Variants in ARHGEF10 observed in about 807,000 individuals in gnomAD.
ARHGEF10 encodes the protein Rho guanine nucleotide exchange factor 10.
ARHGEF10 carries 140 observed loss-of-function variants against 147.4 expected under a neutral mutation model. The observed-to-expected ratio is 0.95, with a 90% CI of 0.83 to 1.09. The LOEUF (loss-of-function observed/expected upper bound fraction) is 1.09. Among genes scored for constraint, ARHGEF10 ranks in the 50% least tolerant of loss-of-function variants. The pLI is 0.00. For synonymous variants in ARHGEF10, 902 were observed against 695.8 expected, an observed-to-expected ratio of 1.30 and a Z score of -4.67; for missense variants, 2,222 against 1,752.7, an observed-to-expected ratio of 1.27 and a Z score of -4.78.
In ARHGEF10 at chr8:1,920,732, A is replaced by G. The variant is rs543812225; in HGVS notation, c.2144-2232A>G. Among the ~76,000 whole-genome samples the G allele has an allele frequency of 2.0e-5, 3 of 152,276 alleles. No homozygotes were observed. The South Asian group carries it at 6.2e-4, about 32-fold the overall frequency. ...CATTTTAAATTATAAGCATTCTGTA[A>G]GGATAAATAAAGTTGCGATGTGTAA... On this transcript the variant is annotated intron_variant, in intron 18 of 28. Transcript: ENST00000349830.
chr8:1,905,785 A>C (rs1264312575), intron 17 of ARHGEF10, 69 bp downstream of exon 17: 7 of 1,584,000 alleles, frequency 4.4e-6, no homozygotes, highest in Non-Finnish European at 6.0e-6. Flanking sequence ...GGGCACATGC[A>C]TGACTTTGTT....
At chr8:1,880,891 T>C (rs1431037655) in intron 9 of ARHGEF10, among the ~76,000 whole-genome samples, 1 of 152,202 alleles carries the variant, frequency 6.6e-6, no homozygotes, top group East Asian at 1.9e-4. Context: ...CGCCCTGTTG[T>C]GCTTGGGCCA....
chr8:1,885,962 C>T lies in ARHGEF10; in HGVS notation c.1182+255C>T, dbSNP rs181600067. Among the ~76,000 whole-genome samples, 4 of 152,268 alleles carry T rather than the reference C, an allele frequency of 2.6e-5. No homozygotes were observed. The East Asian group carries it at 7.7e-4, about 29-fold the overall frequency. On this transcript the variant is annotated intron_variant, in intron 11 of 28. Coordinates refer to ENST00000349830, the MANE Select transcript of ARHGEF10 (RefSeq NM_014629.4). ...TCCTTAAATATTTTGGACAGCACCCCTGCCCCTGAGTGTAGCTGTGAGAAA... is the reference window on the plus strand; with the variant it reads ...TCCTTAAATATTTTGGACAGCACCCTTGCCCCTGAGTGTAGCTGTGAGAAA...
intron 7 of ARHGEF10, chr8:1,870,223 C>A (rs577146609): frequency 1.5e-3 from 166 of 111,740 alleles, no homozygotes; most frequent in African/African-American, 5.6e-3. Flanking sequence ...GGGGGAGGAT[C>A]TTGTTACCGA....
At chr8:1,908,789 A>G (rs969607366) in intron 17 of ARHGEF10, among the ~76,000 whole-genome samples, 1 of 128,162 alleles carries the variant, frequency 7.8e-6, no homozygotes, top group African/African-American at 3.0e-5. Flanking sequence ...TATAAGTCAT[A>G]GGGTTTTTTT....
At position 1,880,079 on chromosome 8, in the gene ARHGEF10, A is replaced by T. The variant is rs202216552; in HGVS notation, c.875A>T (p.His292Leu). The T allele has an allele frequency of 2.5e-6, 4 of 1,613,968 alleles. No homozygotes were observed. The Admixed American group carries it at 6.7e-5, about 27-fold the overall frequency. Residue 292 changes from histidine to leucine, a missense_variant, in exon 9 of 29, where the codon CAC becomes CTC. Physicochemically the swap from His to Leu is moderately conservative, Grantham distance 99. Transcript: ENST00000349830. The part of the protein sequence containing the change: ...LSHDLTRLKE[H>L]YEKKMRDLMA... ...CATGACCTAACCCGTTTAAAGGAGC[A>T]CTATGAGAAAAAGATGAGAGATTTG...
chr8:1,939,711 C>T (rs994692297), intron 26 of ARHGEF10, among the ~76,000 whole-genome samples: 3 of 152,182 alleles, frequency 2.0e-5, no homozygotes, highest in Non-Finnish European at 2.9e-5. Flanking sequence ...CATCAGGCTT[C>T]GAGACTACTG....
At chr8:1,875,271 T>G (rs1300105759) in intron 7 of ARHGEF10, among the ~76,000 whole-genome samples, 1 of 151,588 alleles carries the variant, frequency 6.6e-6, no homozygotes, top group Non-Finnish European at 1.5e-5. Context: ...GGGTGGAGGT[T>G]CTAAGACAGG....
intron 16 of ARHGEF10, among the ~76,000 whole-genome samples, chr8:1,904,805 T>C (rs1418647508): frequency 2.7e-5 from 4 of 149,756 alleles, no homozygotes; most frequent in Non-Finnish European, 6.0e-5. Context: ...CTGAGGACTC[T>C]GTTTTTCTTG....
chr8:1,893,574 A>G lies in ARHGEF10; in HGVS notation c.1188A>G (p.Val396=). The G allele has an allele frequency of 6.2e-7, 1 of 1,612,516 alleles. No homozygotes were observed. The highest frequency in any genetic ancestry group is 8.5e-7 in the Non-Finnish European group (1 of 1,178,642). The part of the protein sequence containing the change: ...MPEGLSQQQV[V]RRYILGSVVD... ...TACTTCCAAATTTCCAACAGGTTGT[A>G]AGAAGATATATACTGGGTTCAGTTG... Residue 396 remains valine (V), a synonymous_variant, in exon 12 of 29, where the codon GTA becomes GTG. Transcript: ENST00000349830.
chr8:1,901,180 G>C (rs1035767605), intron 15 of ARHGEF10, among the ~76,000 whole-genome samples: 2 of 152,122 alleles, frequency 1.3e-5, no homozygotes, highest in African/African-American at 4.8e-5. Context: ...CGAGGAGACA[G>C]GCTGCAGAGA....
Position 1,877,960 on chromosome 8 carries a change from C to G in ARHGEF10, c.843+1226C>G, listed in dbSNP as rs142532811. ...ACCCCCAGTAAGCGGAGATTTCATT[C>G]CTGGACCTAGCTGCCACGTCCCTAT... is the stretch of plus-strand genomic sequence containing the variant. On this transcript the variant is annotated intron_variant, in intron 8 of 28. Coordinates refer to ENST00000349830, the MANE Select transcript of ARHGEF10 (RefSeq NM_014629.4). Among the ~76,000 whole-genome samples, 100 of 152,160 alleles carry G rather than the reference C, an allele frequency of 6.6e-4. No individual in the cohort carries two copies. The East Asian group carries it at 0.014, about 21-fold the overall frequency.
chr8:1,922,775 A>AT (rs1812394710), intron 18 of ARHGEF10, among the ~76,000 whole-genome samples, 189 bp from the exon 19 acceptor site: 1 of 152,174 alleles, frequency 6.6e-6, no homozygotes, highest in Admixed American at 6.6e-5. Flanking sequence ...TCCATCTAAA[A>AT]TTATTTCCAA....
intron 2 of ARHGEF10, among the ~76,000 whole-genome samples, chr8:1,851,788 C>G (rs1373376863): frequency 6.6e-6 from 1 of 152,044 alleles, no homozygotes; most frequent in South Asian, 2.1e-4. Context: ...GTGGCTCATG[C>G]CTGTAGTCCT....
At chr8:1,950,672 C>T (rs1240252475) in intron 27 of ARHGEF10, among the ~76,000 whole-genome samples, 1 of 151,492 alleles carries the variant, frequency 6.6e-6, no homozygotes, top group African/African-American at 2.4e-5. Flanking sequence ...GTTGGGATAA[C>T]AGGTGCCTAC....
intron 16 of ARHGEF10, chr8:1,903,765 C>T (rs920339323): frequency 3.8e-5 from 16 of 416,324 alleles, no homozygotes; most frequent in South Asian, 2.1e-4. Flanking sequence ...TTCAAAATAA[C>T]GGTATTTAAT....
rs7832438 is a variant in ARHGEF10, at chr8:1,952,689, A to G, written c.3398-16A>G. 0.94 allele frequency: 1,513,421 copies of G among 1,613,192 alleles called. 710,335 individuals carry two copies. The highest frequency in any genetic ancestry group is 1 in the East Asian group (44,803 of 44,858). On this transcript the variant is annotated splice_polypyrimidine_tract_variant and intron_variant, in intron 27 of 28. Transcript: ENST00000349830. ...ACACAAACCAGACCCGAAGCCACTC[A>G]TGTCTTTCCGCCCAGGGCACCAGCG...
intron 19 of ARHGEF10, 137 bp from the exon 20 acceptor site, chr8:1,923,331 C>T (rs1011344407): frequency 1.5e-6 from 2 of 1,355,074 alleles, no homozygotes; most frequent in African/African-American, 2.9e-5. Context: ...GATCTGACTC[C>T]CAAAGCTTTC....
chr8:1,921,498 C>A (rs557434202), intron 18 of ARHGEF10, among the ~76,000 whole-genome samples: 1 of 152,164 alleles, frequency 6.6e-6, no homozygotes, highest in East Asian at 1.9e-4. Context: ...GAGGCCGAGG[C>A]GGGTGGATCA....
Sources: allele counts gnomAD v4.1 joint callset (sites outside exome capture counted in the v4.1 genomes callset), GRCh38; gene constraint gnomAD v4.1.1; transcripts MANE v1.5; gene names NCBI Gene and HGNC (gene_info 2026-07-23, HGNC 2026-07-21).